IQSEC1: variants seen among roughly 807,000 people sequenced by gnomAD.
IQSEC1 encodes IQ motif and SEC7 domain-containing protein 1.
Under a neutral mutation model 91.0 loss-of-function variants are expected in IQSEC1, and 31 were observed. The observed-to-expected ratio is 0.34, with a 90% CI of 0.26 to 0.46. The LOEUF is 0.46. Ranked by LOEUF, IQSEC1 falls within the 20% of genes least tolerant of loss-of-function variation. The pLI is 1.00. For synonymous variants in IQSEC1, 699 were observed against 662.6 expected (o/e 1.05, Z -0.84); for missense variants, 1,388 against 1,575.6 (o/e 0.88, Z 2.02).
At chr3:12,957,351 G>A (rs373694147) in intron 1 of IQSEC1, among the ~76,000 whole-genome samples, 14 of 152,186 alleles carry the variant, frequency 9.2e-5, no homozygotes, top group African/African-American at 3.4e-4. Context: ...GGTGGTTCTT[G>A]TTGGTTCTGA....
Position 12,899,862 on chromosome 3 carries a change from T to C in IQSEC1, c.*1121A>G, listed in dbSNP as rs1390891104. On this transcript the variant is annotated 3_prime_UTR_variant, in exon 14 of 14. Coordinates refer to ENST00000613206, the MANE Select transcript of IQSEC1 (RefSeq NM_001134382.3). ...CGTTATGGTGTTGGGGAGACGAGGATGAGAGCTGGTCACTTTCATGTTGGA... is the reference window on the plus strand; with the variant it reads ...CGTTATGGTGTTGGGGAGACGAGGACGAGAGCTGGTCACTTTCATGTTGGA... 28 of 985,074 alleles carry C rather than the reference T, an allele frequency of 2.8e-5. No homozygotes were observed. The highest frequency in any genetic ancestry group is 5.2e-5 in the African/African-American group (3 of 57,150). The allele number at this position is 985,074 out of a possible 1,614,324, so 61.0% of individuals were successfully genotyped here. A position where few individuals can be genotyped will look rare whatever the true frequency, so the allele number is the denominator to read the frequency against.
At chr3:12,914,461 G>A (rs1366291774) in intron 8 of IQSEC1, among the ~76,000 whole-genome samples, 2 of 152,232 alleles carry the variant, frequency 1.3e-5, no homozygotes, top group Non-Finnish European at 2.9e-5. Flanking sequence ...AAGATGAGGG[G>A]GAAAATGTGG....
intron 13 of IQSEC1, among the ~76,000 whole-genome samples, chr3:12,901,856 C>T (rs1694349381): frequency 6.6e-6 from 1 of 152,104 alleles, no homozygotes; most frequent in South Asian, 2.1e-4. Flanking sequence ...AAATTGGAAC[C>T]CCTAGGTTGG....
rs1366173485 is a variant in IQSEC1 at position 12,909,575 on chromosome 3, C to CA, written c.2417-142dup. 2.6e-6 allele frequency: 2 copies of CA among 767,556 alleles called. No homozygotes were observed. Among genetic ancestry groups the CA allele is most frequent in the African/African-American group, 3.5e-5 (2 of 57,508 alleles). 47.5% of individuals were successfully genotyped at this position (767,556 alleles called of 1,614,324 possible). ...GCCGGGAGTCCAGCCTCCGCAGTGG[C>CA]AGGCTGCAGGGGTGCAGAGCAACCT... On this transcript the variant is annotated intron_variant, in intron 10 of 13. Coordinates refer to ENST00000613206, the MANE Select transcript of IQSEC1 (RefSeq NM_001134382.3). This position sits in a 1 kb window ranked among gnomAD's most constrained non-coding sequence, Gnocchi z 4.9.
intron 1 of IQSEC1, among the ~76,000 whole-genome samples, chr3:13,029,724 G>GTGCA (rs1210500492): frequency 1.3e-5 from 2 of 152,226 alleles, no homozygotes; most frequent in Non-Finnish European, 2.9e-5. Context: ...GTGTGTGTGC[G>GTGCA]TGCATGCGTG....
At chr3:13,274,302 G>A (rs886501960) in intron 1 of IQSEC1, among the ~76,000 whole-genome samples, 11 of 152,280 alleles carry the variant, frequency 7.2e-5, no homozygotes, top group East Asian at 1.9e-4. Flanking sequence ...ATCCCACCCC[G>A]CACCTTGTCC....
intron 1 of IQSEC1, among the ~76,000 whole-genome samples, chr3:13,038,996 G>C (rs1704151209): frequency 1.3e-5 from 2 of 152,266 alleles, no homozygotes; most frequent in Non-Finnish European, 2.9e-5. Context: ...TAAGATTTGT[G>C]GGGTGGCCCA....
At chr3:13,255,825 A>G (rs988045746) in intron 1 of IQSEC1, among the ~76,000 whole-genome samples, 4 of 152,224 alleles carry the variant, frequency 2.6e-5, no homozygotes, top group African/African-American at 9.7e-5. Context: ...TTGCTCCCCA[A>G]AATGGGATGC....
chr3:13,065,509 GA>G (rs1705202884), intron 1 of IQSEC1, among the ~76,000 whole-genome samples: 1 of 152,188 alleles, frequency 6.6e-6, no homozygotes, highest in Admixed American at 6.5e-5. Flanking sequence ...TTTTATTCAA[GA>G]GGGGGAAATT....
chr3:12,902,672 A>C (rs1694481562), intron 13 of IQSEC1, 101 bp downstream of exon 13: 4 of 396,568 alleles, frequency 1.0e-5, no homozygotes, highest in South Asian at 8.0e-5. Flanking sequence ...AAAAAAACCA[A>C]AAAAAAAAAA....
chr3:13,205,447 G>A (rs562418261), intron 1 of IQSEC1, among the ~76,000 whole-genome samples: 10 of 151,928 alleles, frequency 6.6e-5, no homozygotes, highest in South Asian at 2.1e-4. Flanking sequence ...AGATGCTTCC[G>A]GACCACCTCA....
chr3:13,204,173 G>C (rs28477332), intron 1 of IQSEC1, among the ~76,000 whole-genome samples: 31,173 of 152,244 alleles, frequency 0.2, 4,115 homozygotes, highest in African/African-American at 0.37. Context: ...GCTGCGGAGA[G>C]CTGCGGAGAG....
intron 1 of IQSEC1, among the ~76,000 whole-genome samples, chr3:13,034,651 C>A (rs1703968915): frequency 6.6e-6 from 1 of 152,204 alleles, no homozygotes; most frequent in Non-Finnish European, 1.5e-5. Context: ...AGGAGATCAG[C>A]TGCTCTCTCT....
chr3:13,214,599 C>A lies in IQSEC1; in HGVS notation c.273-50466G>T, dbSNP rs369038770. On this transcript the variant is annotated intron_variant, in intron 1 of 15. Transcript: ENST00000648114. The surrounding 1 kb of genome is among the most constrained non-coding windows in gnomAD (Gnocchi z 4.5). The stretch of plus-strand genomic sequence containing the variant: ...ACCAGGGCAGGAATCCTAGCAGAAG[C>A]CTGTGAGGTGAGGAGGGGGCACCTC... 5.3e-5 allele frequency among the ~76,000 whole-genome samples: 8 copies of A among 152,366 alleles called. No individual in the cohort carries two copies. In the East Asian group the frequency reaches 9.7e-4, roughly 18 times the overall value.
In IQSEC1 at chr3:12,994,203, G is replaced by A. The variant is rs925463778; in HGVS notation, c.24-52338C>T. ...CGCTCGGGAGCCGGAGCCGGAGCCC[G>A]AGCCCGATACCAGCGCCACCGGCGG... On this transcript the variant is annotated intron_variant, in intron 1 of 13. Coordinates refer to ENST00000613206, the MANE Select transcript of IQSEC1 (RefSeq NM_001134382.3). This position sits in a 1 kb window ranked among gnomAD's most constrained non-coding sequence, Gnocchi z 4.5. 6.8e-6 allele frequency among the ~76,000 whole-genome samples: 1 copy of A among 147,626 alleles called. No homozygotes were observed. Among genetic ancestry groups the A allele is most frequent in the African/African-American group, 2.5e-5 (1 of 40,680 alleles).
intron 1 of IQSEC1, among the ~76,000 whole-genome samples, chr3:12,953,330 C>A (rs1699685993): frequency 6.6e-6 from 1 of 152,230 alleles, no homozygotes; most frequent in Non-Finnish European, 1.5e-5. Flanking sequence ...CCGGTTGCCT[C>A]CAGAGAAGAT....
At chr3:13,066,399 T>C (rs1416462725) in intron 1 of IQSEC1, among the ~76,000 whole-genome samples, 2 of 152,252 alleles carry the variant, frequency 1.3e-5, no homozygotes, top group South Asian at 2.1e-4. Flanking sequence ...CGGCACTGTG[T>C]CTGTCACAGC....
At chr3:13,224,867 C>T (rs1694724039) in intron 1 of IQSEC1, among the ~76,000 whole-genome samples, 1 of 152,250 alleles carries the variant, frequency 6.6e-6, no homozygotes, top group Admixed American at 6.5e-5. Context: ...GAAGCCAGCA[C>T]CTCTACTAAC....
At chr3:13,198,543 A>G (rs1217121029) in intron 1 of IQSEC1, among the ~76,000 whole-genome samples, 1 of 152,088 alleles carries the variant, frequency 6.6e-6, no homozygotes, top group Non-Finnish European at 1.5e-5. Context: ...CACCACCAAG[A>G]GTCCTGTGCA....
Sources: gnomAD v4.1 joint callset for allele counts (sites outside exome capture counted in the v4.1 genomes callset) on GRCh38, gnomAD v4.1.1 for gene constraint, Gnocchi (gnomAD v3.1) non-coding constraint, MANE v1.5 for transcripts, NCBI Gene and HGNC (gene_info 2026-07-23, HGNC 2026-07-21) for gene names.